Variants in FOXI3 observed in about 807,000 individuals in gnomAD.
FOXI3 encodes the protein forkhead box protein I3.
FOXI3 carries 4 observed loss-of-function variants against 15.6 expected under a neutral mutation model. The ratio of observed to expected loss-of-function variants is 0.26; its 90% CI spans 0.13 to 0.59. FOXI3 has a LOEUF of 0.59. FOXI3 is among the 20% of genes least tolerant of loss of function. The pLI is 0.90. For missense variants in FOXI3, 489 were observed against 548.2 expected, an observed-to-expected ratio of 0.89 and a Z score of 1.08; for synonymous variants, 238 against 244.4, an observed-to-expected ratio of 0.97 and a Z score of 0.25.
At chr2:88,449,030 C>T (rs1020243920) in intron 1 of FOXI3, among the ~76,000 whole-genome samples, 3 of 152,162 alleles carry the variant, frequency 2.0e-5, no homozygotes, top group African/African-American at 7.2e-5. Context: ...GTTCTGGCCA[C>T]CTTTACCTCC....
In FOXI3 at chr2:88,452,013, C is replaced by T. The variant is rs752348523; in HGVS notation, c.523G>A (p.Val175Ile). Residue 175 changes from valine to isoleucine, a missense_variant, in exon 1 of 2, where the codon GTC (valine) becomes ATC (isoleucine). Val to Ile is a conservative substitution (Grantham distance 29). Transcript: ENST00000428390. ...KLTLSHIYQF[V>I]ADSFPFYQRS... is the part of the protein sequence containing the mutation. ...TGGTAGAAGGGGAAGCTATCGGCGA[C>T]GAACTGGTAGATGTGGCTGAGAGTG... 3 of 1,608,602 alleles carry T rather than the reference C, an allele frequency of 1.9e-6. No homozygotes were observed. In the Admixed American group the frequency reaches 5.1e-5, roughly 27 times the overall value.
chr2:88,448,575 A>AG lies in FOXI3; in HGVS notation c.894dup (p.Ser299LeufsTer73). ...GTGAGCATGGGTCCTCCAGGAGATG[A>AG]GGCAGTACTCTTGGTGCCCTCCGGA... On this transcript the variant is annotated frameshift_variant, in exon 2 of 2. Coordinates refer to ENST00000428390, the MANE Select transcript of FOXI3 (RefSeq NM_001135649.3). LOFTEE classifies it low-confidence loss of function (END_TRUNC). 6.4e-7 allele frequency: 1 copy of AG among 1,551,466 alleles called. No individual in the cohort carries two copies.
In FOXI3 at chr2:88,448,383, C is replaced by A. The variant is rs1369016504; in HGVS notation, c.1087G>T (p.Ala363Ser). 1.9e-6 allele frequency: 3 copies of A among 1,551,694 alleles called. No individual in the cohort carries two copies. The African/African-American group carries it at 4.1e-5, about 21-fold the overall frequency. ...FSPTSISEASADTLQLSNSTS... is the reference protein window; with the variant it reads ...FSPTSISEASSDTLQLSNSTS... ...CTATTGCTCAGTTGCAAGGTGTCTG[C>A]TGAGGCCTCTGAGATGGAGGTCGGG... is the stretch of plus-strand genomic sequence containing the variant. The change falls in exon 2 of 2, where the codon GCA (alanine) becomes TCA (serine). Residue 363 changes from alanine (A) to serine (S), a missense_variant. Transcript: ENST00000428390.
rs774631631 is a variant in FOXI3, at chr2:88,452,050, G to A, written c.486C>T (p.Pro162=). ...TGTGGCTGAGAGTGAGTTTGCGCTC[G>A]GGCGCGCTCTGAATGGCCATGGCGA... ...ALIAMAIQSA[P]ERKLTLSHIY... Residue 162 remains proline (P), a synonymous_variant, in exon 1 of 2, where the codon CCC becomes CCT. Coordinates refer to ENST00000428390, the MANE Select transcript of FOXI3 (RefSeq NM_001135649.3). The A allele has an allele frequency of 1.3e-6, 2 of 1,592,230 alleles. No homozygotes were observed. The highest frequency in any genetic ancestry group is 1.8e-5 in the Admixed American group (1 of 55,948).
rs1675967452 is a variant in FOXI3, at chr2:88,448,028, AAG to A, written c.*177_*178del. On this transcript the variant is annotated 3_prime_UTR_variant, in exon 2 of 2. Coordinates refer to ENST00000428390, the MANE Select transcript of FOXI3 (RefSeq NM_001135649.3). ...CTGTAAAAGCTCGCTGGGTTGTAGC[AAG>A]AGTTATCTACTACACCCTCATTACT... is the stretch of plus-strand genomic sequence containing the variant. 2 of 615,380 alleles carry A rather than the reference AAG, an allele frequency of 3.3e-6. No homozygotes were observed. The highest frequency in any genetic ancestry group is 1.8e-5 in the African/African-American group (1 of 54,232). The allele number at this position is 615,380 out of a possible 1,614,324, so 38.1% of individuals were successfully genotyped here. A position where few individuals can be genotyped will look rare whatever the true frequency, so the allele number is the denominator to read the frequency against.
In FOXI3 at chr2:88,448,707, A is replaced by G. The variant is rs1204553709; in HGVS notation, c.763T>C (p.Ser255Pro). The change falls in exon 2 of 2, where the codon TCA (serine) becomes CCA (proline). Residue 255 changes from serine (S) to proline (P), a missense_variant. Coordinates refer to ENST00000428390, the MANE Select transcript of FOXI3 (RefSeq NM_001135649.3). ...GAGGAGAGCCCTTCTTCGGACTTTG[A>G]TGTCCCAGCAGCCACTGTGGAGCCA... ...SNGSTVAAGT[S>P]KSEEGLSSGL... 6.4e-7 allele frequency: 1 copy of G among 1,551,638 alleles called. No individual in the cohort carries two copies. Among genetic ancestry groups the G allele is most frequent in the Non-Finnish European group, 8.7e-7 (1 of 1,147,018 alleles).
At position 88,447,954 on chromosome 2, in the gene FOXI3, A is replaced by T; in HGVS notation, c.*253T>A. 1 of 540,130 alleles carries T rather than the reference A, an allele frequency of 1.9e-6. No homozygotes were observed. The highest frequency in any genetic ancestry group is 3.1e-5 in the Admixed American group (1 of 32,296). The allele number at this position is 540,130 out of a possible 1,614,324, so 33.5% of individuals were successfully genotyped here. A position where few individuals can be genotyped will look rare whatever the true frequency, so the allele number is the denominator to read the frequency against. On this transcript the variant is annotated 3_prime_UTR_variant, in exon 2 of 2. Coordinates refer to ENST00000428390, the MANE Select transcript of FOXI3 (RefSeq NM_001135649.3). ...GGGGCTCACAGGCTACCTATCACAG[A>T]AGACAGTGAAACGGATTTCTCTCTG...
rs1451814966 is a variant in FOXI3 at position 88,452,058 on chromosome 2, T to C, written c.478A>G (p.Ser160Gly). 1.3e-6 allele frequency: 2 copies of C among 1,587,422 alleles called. No homozygotes were observed. Among genetic ancestry groups the C allele is most frequent in the Non-Finnish European group, 8.6e-7 (1 of 1,167,278 alleles). ...YSALIAMAIQ[S>G]APERKLTLSH... ...AGAGTGAGTTTGCGCTCGGGCGCGCTCTGAATGGCCATGGCGATGAGCGCC... is the reference window on the plus strand; with the variant it reads ...AGAGTGAGTTTGCGCTCGGGCGCGCCCTGAATGGCCATGGCGATGAGCGCC... The change falls in exon 1 of 2, where the codon AGC (serine) becomes GGC (glycine). Residue 160 changes from serine (S) to glycine (G), a missense_variant. Ser to Gly is a moderately conservative substitution (Grantham distance 56, BLOSUM62 0). This residue lies in a region of FOXI3 where 224 missense variants were observed against 245.7 expected (regional missense o/e 0.91). Transcript: ENST00000428390.
chr2:88,452,258 A>G lies in FOXI3; in HGVS notation c.278T>C (p.Leu93Pro), dbSNP rs1163935359. 104 of 1,015,924 alleles carry G rather than the reference A, an allele frequency of 1.0e-4. No homozygotes were observed. In the East Asian group the frequency reaches 9.0e-3, roughly 88 times the overall value. 62.9% of individuals were successfully genotyped at this position (1,015,924 alleles called of 1,614,324 possible). ...PPPGAAAGPF[L>P]QPPPAAGTFG... is the part of the protein sequence containing the mutation. The stretch of plus-strand genomic sequence containing the variant: ...GGTGCCGGCGGCAGGCGGTGGCTGC[A>G]GAAAGGGCCCGGCCGCGGCCCCGGG... Residue 93 changes from leucine (L) to proline (P), a missense_variant, in exon 1 of 2, where the codon CTG becomes CCG. By Grantham distance (98) the Leu-to-Pro change is moderately conservative (BLOSUM62 -3). This residue lies in a region of FOXI3 where 224 missense variants were observed against 245.7 expected (regional missense o/e 0.91). Coordinates refer to ENST00000428390, the MANE Select transcript of FOXI3 (RefSeq NM_001135649.3).
In FOXI3 at chr2:88,452,204, T is replaced by C; in HGVS notation, c.332A>G (p.Gln111Arg). Residue 111 changes from glutamine (Q) to arginine (R), a missense_variant, in exon 1 of 2, where the codon CAG (glutamine) becomes CGG (arginine). Around this residue, in one of 3 missense-constraint regions of FOXI3, gnomAD observed 224 missense variants for 245.7 expected, o/e 0.91. Transcript: ENST00000428390. ...TFGCSQRPFA[Q>R]PAPAAPASPA... ...CGAGGCGGGCGCGGCGGGCGCGGGC[T>C]GCGCGAAGGGCCGCTGAGAGCAGCC... is the stretch of plus-strand genomic sequence containing the variant. 1 of 1,174,738 alleles carries C rather than the reference T, an allele frequency of 8.5e-7. No homozygotes were observed. The highest frequency in any genetic ancestry group is 1.0e-6 in the Non-Finnish European group (1 of 953,508). The allele number at this position is 1,174,738 out of a possible 1,614,324, so 72.8% of individuals were successfully genotyped here. A position where few individuals can be genotyped will look rare whatever the true frequency, so the allele number is the denominator to read the frequency against.
In FOXI3 at chr2:88,452,266, C is replaced by T. The variant is rs892630025; in HGVS notation, c.270G>A (p.Gly90=). 2 of 994,240 alleles carry T rather than the reference C, an allele frequency of 2.0e-6. No individual in the cohort carries two copies. The highest frequency in any genetic ancestry group is 2.4e-6 in the Non-Finnish European group (2 of 837,528). The allele number at this position is 994,240 out of a possible 1,614,324, so 61.6% of individuals were successfully genotyped here. ...CGGCAGGCGGTGGCTGCAGAAAGGG[C>T]CCGGCCGCGGCCCCGGGGGGCGGCG... ...PPPPPPGAAA[G]PFLQPPPAAG... The change falls in exon 1 of 2, where the codon GGG becomes GGA. Residue 90 remains glycine, a synonymous_variant. Coordinates refer to ENST00000428390, the MANE Select transcript of FOXI3 (RefSeq NM_001135649.3).
Position 88,449,952 on chromosome 2 carries a change from TA to T in FOXI3, c.641-1124del, listed in dbSNP as rs910563734. 2.1e-3 allele frequency among the ~76,000 whole-genome samples: 318 copies of T among 150,536 alleles called. 1 individual carries two copies. The highest frequency in any genetic ancestry group is 7.3e-3 in the African/African-American group (301 of 41,090). On this transcript the variant is annotated intron_variant, in intron 1 of 1. Transcript: ENST00000428390. ...ACAGGCTGGCTCCAGACTCAGCATTTAAAAAAAAAATTATTTATTTATTTAT... is the reference window on the plus strand; with the variant it reads ...ACAGGCTGGCTCCAGACTCAGCATTTAAAAAAAAATTATTTATTTATTTAT...
chr2:88,448,372 C>A lies in FOXI3; in HGVS notation c.1098G>T (p.Leu366Phe). Residue 366 changes from leucine to phenylalanine, a missense_variant, in exon 2 of 2, where the codon TTG becomes TTT. Leu to Phe is a conservative substitution (Grantham distance 22). This residue lies in a region of FOXI3 where 263 missense variants were observed against 285.5 expected (regional missense o/e 0.92). Coordinates refer to ENST00000428390, the MANE Select transcript of FOXI3 (RefSeq NM_001135649.3). ...TATTGCTGGTGCTATTGCTCAGTTG[C>A]AAGGTGTCTGCTGAGGCCTCTGAGA... is the stretch of plus-strand genomic sequence containing the variant. ...TSISEASADT[L>F]QLSNSTSNST... The A allele has an allele frequency of 6.4e-7, 1 of 1,551,668 alleles. No individual in the cohort carries two copies. The highest frequency in any genetic ancestry group is 8.7e-7 in the Non-Finnish European group (1 of 1,146,984).
chr2:88,449,681 T>C (rs1224628916), intron 1 of FOXI3, among the ~76,000 whole-genome samples: 2 of 152,244 alleles, frequency 1.3e-5, no homozygotes, highest in Non-Finnish European at 2.9e-5. Context: ...AGAAAAGATC[T>C]ATCATCTTGG....
At chr2:88,451,178 T>C (rs1215735760) in intron 1 of FOXI3, among the ~76,000 whole-genome samples, 1 of 152,178 alleles carries the variant, frequency 6.6e-6, no homozygotes, top group Non-Finnish European at 1.5e-5. Flanking sequence ...CAGAGAAGGT[T>C]AACACTCACT....
intron 1 of FOXI3, among the ~76,000 whole-genome samples, chr2:88,450,416 AT>A (rs1476562325): frequency 6.9e-6 from 1 of 145,328 alleles, no homozygotes; most frequent in Non-Finnish European, 1.5e-5. Flanking sequence ...CAGGAGTGAA[AT>A]TGTCTCAAAA....
At chr2:88,450,160 C>G (rs1173107367) in intron 1 of FOXI3, among the ~76,000 whole-genome samples, 7 of 151,772 alleles carry the variant, frequency 4.6e-5, no homozygotes, top group East Asian at 1.9e-4. Context: ...TTGCTGGGCG[C>G]TGGCTCACGC....
rs1422171076 is a variant in FOXI3, at chr2:88,452,257, C to G, written c.279G>C (p.Leu93=). ...AGGTGCCGGCGGCAGGCGGTGGCTGCAGAAAGGGCCCGGCCGCGGCCCCGG... is the reference window on the plus strand; with the variant it reads ...AGGTGCCGGCGGCAGGCGGTGGCTGGAGAAAGGGCCCGGCCGCGGCCCCGG... The part of the protein sequence containing the change: ...PPPGAAAGPF[L]QPPPAAGTFG... Residue 93 remains leucine (L), a synonymous_variant, in exon 1 of 2, where the codon CTG becomes CTC. Transcript: ENST00000428390. 1 of 1,016,142 alleles carries G rather than the reference C, an allele frequency of 9.8e-7. No individual in the cohort carries two copies. The highest frequency in any genetic ancestry group is 1.2e-6 in the Non-Finnish European group (1 of 852,500). 62.9% of individuals were successfully genotyped at this position (1,016,142 alleles called of 1,614,324 possible).
At chr2:88,450,281 T>G (rs1315042773) in intron 1 of FOXI3, among the ~76,000 whole-genome samples, 1 of 152,090 alleles carries the variant, frequency 6.6e-6, no homozygotes, top group Non-Finnish European at 1.5e-5. Flanking sequence ...AAAATACAAA[T>G]TAGCCGGGCA....
Sources: gnomAD v4.1 joint callset for allele counts (sites outside exome capture counted in the v4.1 genomes callset) on GRCh38, gnomAD v4.1.1 for gene constraint, gnomAD v4.1.1 regional missense constraint, MANE v1.5 for transcripts, NCBI Gene and HGNC (gene_info 2026-07-23, HGNC 2026-07-21) for gene names.